SEC22A: variants seen among roughly 807,000 people sequenced by gnomAD.
The protein encoded by SEC22A is vesicle-trafficking protein SEC22a.
In SEC22A, 22 loss-of-function variants were observed where a neutral mutation model predicts 35.3. The ratio of observed to expected loss-of-function variants is 0.62; its 90% confidence interval spans 0.45 to 0.89. SEC22A has a LOEUF of 0.89. Among genes scored for constraint, SEC22A ranks in the 40% least tolerant of loss-of-function variants. The pLI is 0.00. For synonymous variants in SEC22A, 119 were observed against 129.5 expected, an observed-to-expected ratio of 0.92 and a Z score of 0.55; for missense variants, 354 against 362.5, an observed-to-expected ratio of 0.98 and a Z score of 0.19.
chr3:123,244,449 A>G (rs1576497226), intron 4 of SEC22A, among the ~76,000 whole-genome samples: 1 of 152,284 alleles, frequency 6.6e-6, no homozygotes, highest in East Asian at 1.9e-4. Flanking sequence ...AGATTTTTAA[A>G]TCGTGAATTT....
At chr3:123,236,612 TGGA>T (rs58434569) in intron 4 of SEC22A, among the ~76,000 whole-genome samples, 2,222 of 152,292 alleles carry the variant, frequency 0.015, 47 homozygotes, top group African/African-American at 0.05. Flanking sequence ...TCTCTAAAAT[TGGA>T]GTGAGGTGAT....
rs374473762 is a variant in SEC22A, at chr3:123,223,622, C to T, written c.246C>T (p.Leu82=). The change falls in exon 3 of 7, where the codon CTC becomes CTT. Residue 82 remains leucine, a synonymous_variant. Coordinates refer to ENST00000492595, the MANE Select transcript of SEC22A (RefSeq NM_012430.5). ...GCACTGAAAATTACCCAAATGTTCT[C>T]GCCTTCTCTTTCCTGGATGAGCTTC... ...MLCTENYPNV[L]AFSFLDELQK... 2.6e-5 allele frequency: 42 copies of T among 1,613,244 alleles called. No individual in the cohort carries two copies. The highest frequency in any genetic ancestry group is 1.3e-4 in the East Asian group (6 of 44,856).
chr3:123,273,096 A>C lies in SEC22A; in HGVS notation c.*1374A>C, dbSNP rs189714998. Reference sequence around the variant, plus strand: ...TTTTTTAAAGAAAATATTTCAAACAAGGAATTCATAGGATACTGAAATTTG... The same window carrying C: ...TTTTTTAAAGAAAATATTTCAAACACGGAATTCATAGGATACTGAAATTTG... On this transcript the variant is annotated 3_prime_UTR_variant, in exon 7 of 7. Transcript: ENST00000492595. 25 of 153,022 alleles carry C rather than the reference A, an allele frequency of 1.6e-4. No individual in the cohort carries two copies. Among genetic ancestry groups the C allele is most frequent in the African/African-American group, 5.8e-4 (24 of 41,584 alleles). 9.5% of individuals were successfully genotyped at this position (153,022 alleles called of 1,614,324 possible). A position where few individuals can be genotyped will look rare whatever the true frequency, so the allele number is the denominator to read the frequency against.
intron 2 of SEC22A, among the ~76,000 whole-genome samples, chr3:123,220,867 C>CATATATATAGATATATATATATAT (rs1937108165): frequency 1.0e-5 from 1 of 97,530 alleles, no homozygotes; most frequent in Non-Finnish European, 2.3e-5. Flanking sequence ...AAAAAGGTCT[C>CATATATATAGATATATATATATAT]ATATATATAT....
Position 123,209,235 on chromosome 3 carries a change from T to C in SEC22A, c.18T>C (p.Ser6=), listed in dbSNP as rs780362429. MSMIL[S]ASVIRVRDGL... ...TGGTTGAAATGTCTATGATTTTATC[T>C]GCCTCAGTCATTCGTGTCAGAGATG... Residue 6 remains serine, a synonymous_variant, in exon 2 of 7, where the codon TCT becomes TCC. Coordinates refer to ENST00000492595, the MANE Select transcript of SEC22A (RefSeq NM_012430.5). 1 of 1,614,132 alleles carries C rather than the reference T, an allele frequency of 6.2e-7. No homozygotes were observed. Among genetic ancestry groups the C allele is most frequent in the Non-Finnish European group, 8.5e-7 (1 of 1,179,962 alleles).
intron 5 of SEC22A, among the ~76,000 whole-genome samples, chr3:123,247,576 T>C (rs899421083): frequency 2.0e-5 from 3 of 152,240 alleles, no homozygotes; most frequent in Admixed American, 2.0e-4. Flanking sequence ...GCTTTCTTGC[T>C]TTTGAGATAC....
chr3:123,255,922 CTTT>C (rs35426251), intron 5 of SEC22A, among the ~76,000 whole-genome samples: 1 of 143,748 alleles, frequency 7.0e-6, no homozygotes. Flanking sequence ...TTTCTTCTTT[CTTT>C]TTTTTTTTTT....
Position 123,223,665 on chromosome 3 carries a change from A to G in SEC22A, c.289A>G (p.Thr97Ala), listed in dbSNP as rs1937170265. Residue 97 changes from threonine to alanine, a missense_variant, in exon 3 of 7, where the codon ACT (threonine) becomes GCT (alanine). Physicochemically the swap from Thr to Ala is moderately conservative, Grantham distance 58. Transcript: ENST00000492595. ...LDELQKEFIT[T>A]YNMMKTNTAV... ...TGAGCTTCAGAAGGAGTTCATTACTACTTATAACATGATGAAGACAAATAC... is the reference window on the plus strand; with the variant it reads ...TGAGCTTCAGAAGGAGTTCATTACTGCTTATAACATGATGAAGACAAATAC... 2.5e-6 allele frequency: 4 copies of G among 1,612,844 alleles called. No individual in the cohort carries two copies. Among genetic ancestry groups the G allele is most frequent in the Admixed American group, 1.7e-5 (1 of 59,998 alleles).
chr3:123,236,813 G>GCACACACA (rs149939306), intron 4 of SEC22A, among the ~76,000 whole-genome samples: 1 of 150,668 alleles, frequency 6.6e-6, no homozygotes, highest in Non-Finnish European at 1.5e-5. Flanking sequence ...TAAGAAACAC[G>GCACACACA]CACACACACA....
chr3:123,224,515 C>T (rs1055351348), intron 3 of SEC22A, among the ~76,000 whole-genome samples: 3 of 151,970 alleles, frequency 2.0e-5, no homozygotes, highest in African/African-American at 7.3e-5. Flanking sequence ...GACTTTGGGC[C>T]AGGTGTGGTG....
At chr3:123,223,458 C>T in intron 2 of SEC22A, 101 bp from the exon 3 acceptor site, 6 of 837,382 alleles carry the variant, frequency 7.2e-6, no homozygotes, top group South Asian at 2.0e-5. Flanking sequence ...TCTTCATTGC[C>T]ACCGTAGTAG....
chr3:123,256,814 C>T (rs1937742924), intron 5 of SEC22A, among the ~76,000 whole-genome samples: 1 of 138,684 alleles, frequency 7.2e-6, no homozygotes, highest in East Asian at 2.1e-4. Flanking sequence ...GGCTGGAGTG[C>T]AGTGGCGCAG....
chr3:123,251,860 T>C (rs1937617726), intron 5 of SEC22A, among the ~76,000 whole-genome samples: 1 of 152,180 alleles, frequency 6.6e-6, no homozygotes, highest in African/African-American at 2.4e-5. Context: ...CTTTTCCCAC[T>C]GTGAAGATAA....
At chr3:123,222,431 TC>T (rs1246143886) in intron 2 of SEC22A, among the ~76,000 whole-genome samples, 1 of 152,114 alleles carries the variant, frequency 6.6e-6, no homozygotes, top group Non-Finnish European at 1.5e-5. Flanking sequence ...GTTCCTGACC[TC>T]AGATGATCCG....
At chr3:123,242,588 C>G (rs1937534023) in intron 4 of SEC22A, among the ~76,000 whole-genome samples, 1 of 151,980 alleles carries the variant, frequency 6.6e-6, no homozygotes, top group African/African-American at 2.4e-5. Context: ...CTGATTCAGG[C>G]CCTGATTTCA....
intron 5 of SEC22A, among the ~76,000 whole-genome samples, chr3:123,251,751 T>C (rs1323089256): frequency 1.3e-5 from 2 of 152,110 alleles, no homozygotes; most frequent in African/African-American, 2.4e-5. Context: ...TGACCAAAAG[T>C]AGAAACTCCC....
At chr3:123,224,897 T>C (rs1163531962) in intron 3 of SEC22A, among the ~76,000 whole-genome samples, 1 of 152,200 alleles carries the variant, frequency 6.6e-6, no homozygotes, top group South Asian at 2.1e-4. Context: ...CCTTAGTTTA[T>C]TTAAAATTAC....
intron 1 of SEC22A, among the ~76,000 whole-genome samples, chr3:123,206,161 G>T (rs1249790377): frequency 1.3e-5 from 2 of 152,178 alleles, no homozygotes; most frequent in East Asian, 3.8e-4. Flanking sequence ...AGGTTGGACT[G>T]CAGTGGCACA....
intron 5 of SEC22A, among the ~76,000 whole-genome samples, chr3:123,257,561 T>C (rs1276570699): frequency 6.6e-6 from 1 of 151,960 alleles, no homozygotes; most frequent in African/African-American, 2.4e-5. Flanking sequence ...TGGCCAGGCA[T>C]GGTGATGGGT....
Sources: gnomAD v4.1 joint callset for allele counts (sites outside exome capture counted in the v4.1 genomes callset) on GRCh38, gnomAD v4.1.1 for gene constraint, MANE v1.5 for transcripts, NCBI Gene and HGNC (gene_info 2026-07-23, HGNC 2026-07-21) for gene names.